Variants in SLC39A12 observed in about 807,000 individuals in gnomAD.
SLC39A12 encodes solute carrier family 39 member 12.
SLC39A12 carries 63 observed loss-of-function variants against 71.1 expected under a neutral mutation model. The ratio of observed to expected loss-of-function variants is 0.89; its 90% CI spans 0.72 to 1.09. The LOEUF (loss-of-function observed/expected upper bound fraction) is 1.09, where lower values mean the gene tolerates loss of function less well. Among genes scored for constraint, SLC39A12 ranks in the 50% least tolerant of loss-of-function variants. SLC39A12 has a pLI of 0.00. For missense variants in SLC39A12, 892 were observed against 812.6 expected (o/e 1.10, Z -1.19); for synonymous variants, 351 against 301.3 (o/e 1.16, Z -1.71).
intron 5 of SLC39A12, among the ~76,000 whole-genome samples, chr10:17,980,854 T>C (rs762031873): frequency 6.6e-6 from 1 of 152,300 alleles, no homozygotes; most frequent in East Asian, 1.9e-4. Flanking sequence ...CTTTTAAAAG[T>C]ACACGTTGCC....
chr10:17,997,865 A>G (rs1177558378), intron 10 of SLC39A12, among the ~76,000 whole-genome samples: 1 of 152,228 alleles, frequency 6.6e-6, no homozygotes, highest in African/African-American at 2.4e-5. Context: ...ATGTTTTACC[A>G]TGGAAAACCT....
At chr10:18,008,104 A>G (rs1836084321) in intron 12 of SLC39A12, among the ~76,000 whole-genome samples, 1 of 152,192 alleles carries the variant, frequency 6.6e-6, no homozygotes, top group Non-Finnish European at 1.5e-5. Flanking sequence ...TTTCAAGTTG[A>G]CTGGAAACTT....
intron 5 of SLC39A12, among the ~76,000 whole-genome samples, 169 bp from the exon 6 acceptor site, chr10:17,981,143 T>G (rs937201705): frequency 6.6e-6 from 1 of 152,172 alleles, no homozygotes; most frequent in African/African-American, 2.4e-5. Flanking sequence ...TAAGACATCC[T>G]TAGGAATTAC....
At chr10:17,985,856 C>T (rs780707123) in intron 6 of SLC39A12, among the ~76,000 whole-genome samples, 1 of 151,884 alleles carries the variant, frequency 6.6e-6, no homozygotes, top group African/African-American at 2.4e-5. Flanking sequence ...TAAAAGGAAG[C>T]CTAGAAACAT....
chr10:17,977,870 A>G (rs750277955), intron 4 of SLC39A12, 32 bp from the exon 5 acceptor site: 5 of 1,530,000 alleles, frequency 3.3e-6, no homozygotes, highest in East Asian at 4.6e-5. Context: ...TATCTATTCT[A>G]TGTGACACCA....
rs1836446858 is a variant in SLC39A12, at chr10:18,018,563, G to C, written c.1947+15205G>C. Among the ~76,000 whole-genome samples, 3 of 152,058 alleles carry C rather than the reference G, an allele frequency of 2.0e-5. No homozygotes were observed. The South Asian group carries it at 6.2e-4, about 32-fold the overall frequency. ...GTTGAGGAAATTACCTTAATTCCTA[G>C]TTTACTGAGAGTTTTTATCATGACT... On this transcript the variant is annotated intron_variant, in intron 12 of 12. Transcript: ENST00000377369.
intron 8 of SLC39A12, among the ~76,000 whole-genome samples, chr10:17,992,260 A>G (rs1835573455): frequency 1.3e-5 from 2 of 152,204 alleles, no homozygotes; most frequent in African/African-American, 4.8e-5. Flanking sequence ...ATTTAATAAA[A>G]TAATCATAGG....
In SLC39A12 at chr10:18,043,184, G is replaced by A. The variant is rs986367452; in HGVS notation, c.*351G>A. The A allele has an allele frequency of 6.5e-6, 1 of 154,794 alleles. No individual in the cohort carries two copies. The highest frequency in any genetic ancestry group is 1.4e-5 in the Non-Finnish European group (1 of 69,660). The allele number at this position is 154,794 out of a possible 1,614,324, so 9.6% of individuals were successfully genotyped here. On this transcript the variant is annotated 3_prime_UTR_variant, in exon 13 of 13. Transcript: ENST00000377369. ...TTAAAGTGGACAGATGCCTGTTGGA[G>A]TAAAATCAACTGCAACTTTTTGATG...
At chr10:18,002,206 GTC>G (rs909893013) in intron 11 of SLC39A12, 24 of 152,088 alleles carry the variant, frequency 1.6e-4, no homozygotes, top group African/African-American at 5.6e-4. Context: ...GCTCTTCGCA[GTC>G]TCTCTGCTTC....
intron 2 of SLC39A12, among the ~76,000 whole-genome samples, chr10:17,956,857 A>C (rs138107638): frequency 2.0e-5 from 3 of 152,336 alleles, no homozygotes; most frequent in African/African-American, 7.2e-5. Context: ...TCTCAGTTAA[A>C]AACTTCTTGT....
intron 12 of SLC39A12, among the ~76,000 whole-genome samples, chr10:18,041,457 C>A (rs555303766): frequency 1.3e-5 from 2 of 150,480 alleles, no homozygotes; most frequent in Non-Finnish European, 2.9e-5. Context: ...GATCCCACCA[C>A]TGCACTCCAG....
intron 4 of SLC39A12, among the ~76,000 whole-genome samples, chr10:17,974,053 T>A (rs892566508): frequency 8.6e-5 from 13 of 151,542 alleles, no homozygotes; most frequent in South Asian, 4.1e-4. Flanking sequence ...CAGAATTTTT[T>A]AAATTATTTT....
At chr10:17,956,408 T>C (rs1226728440) in intron 2 of SLC39A12, among the ~76,000 whole-genome samples, 1 of 147,404 alleles carries the variant, frequency 6.8e-6, no homozygotes, top group African/African-American at 2.7e-5. Flanking sequence ...TCTCTGAGGA[T>C]CTCATGGATA....
Position 18,042,723 on chromosome 10 carries a change from G to A in SLC39A12, c.1966G>A (p.Val656Ile). Residue 656 changes from valine to isoleucine, a missense_variant, in exon 13 of 13, where the codon GTT becomes ATT. Coordinates refer to ENST00000377369, the MANE Select transcript of SLC39A12 (RefSeq NM_001145195.2). ...LVEMLPEMTH[V>I]QTQRPWMMFL... ...TTTTTAGCTTCCTGAAATGACTCAT[G>A]TTCAAACACAACGACCCTGGATGAT... The A allele has an allele frequency of 6.2e-7, 1 of 1,608,350 alleles. No individual in the cohort carries two copies. Among genetic ancestry groups the A allele is most frequent in the East Asian group, 2.3e-5 (1 of 44,420 alleles).
chr10:17,965,152 A>T lies in SLC39A12; in HGVS notation c.544-331A>T, dbSNP rs544318911. Among the ~76,000 whole-genome samples, 15 of 152,220 alleles carry T rather than the reference A, an allele frequency of 9.9e-5. No homozygotes were observed. The South Asian group carries it at 2.9e-3, about 29-fold the overall frequency. On this transcript the variant is annotated intron_variant, in intron 3 of 12. Coordinates refer to ENST00000377369, the MANE Select transcript of SLC39A12 (RefSeq NM_001145195.2). ...AACCCGGGAGGTGGAGGTTGCAGTG[A>T]GTCAAAATCGTGCCACTTTACTCCA...
intron 12 of SLC39A12, among the ~76,000 whole-genome samples, chr10:18,036,023 G>A (rs1370806783): frequency 3.9e-5 from 6 of 152,112 alleles, no homozygotes; most frequent in African/African-American, 1.4e-4. Context: ...CTCCAGCTGC[G>A]TGCTGGGAGA....
chr10:18,015,214 C>A (rs1209286256), intron 12 of SLC39A12, among the ~76,000 whole-genome samples: 1 of 121,906 alleles, frequency 8.2e-6, no homozygotes, highest in African/African-American at 2.8e-5. Context: ...CACTAAGAAC[C>A]ATATTAAATC....
At chr10:17,974,885 G>T (rs897412009) in intron 4 of SLC39A12, among the ~76,000 whole-genome samples, 8 of 152,160 alleles carry the variant, frequency 5.3e-5, no homozygotes, top group Non-Finnish European at 1.2e-4. Context: ...AGGTCCAGAG[G>T]TGCCATACAG....
chr10:18,036,792 ATATTTTT>A (rs1837058158), intron 12 of SLC39A12, among the ~76,000 whole-genome samples: 2 of 84,650 alleles, frequency 2.4e-5, no homozygotes, highest in African/African-American at 9.6e-5. Flanking sequence ...ATATATATAT[ATATTTTT>A]TTTTTTAATG....
Sources: gnomAD v4.1 joint callset for allele counts (sites outside exome capture counted in the v4.1 genomes callset) on GRCh38, gnomAD v4.1.1 for gene constraint, MANE v1.5 for transcripts, NCBI Gene and HGNC (gene_info 2026-07-23, HGNC 2026-07-21) for gene names.